ALDH1A2: variants seen among roughly 807,000 people sequenced by gnomAD.
ALDH1A2 encodes aldehyde dehydrogenase 1 family member A2.
In ALDH1A2, 27 loss-of-function variants were observed where a neutral mutation model predicts 60.3. That is an observed-to-expected ratio of 0.45 (90% CI 0.33 to 0.62). The LOEUF (loss-of-function observed/expected upper bound fraction) is 0.62. Ranked by LOEUF, ALDH1A2 falls within the 20% of genes least tolerant of loss-of-function variation. ALDH1A2 has a pLI of 0.02. For missense variants in ALDH1A2, 581 were observed against 643.8 expected (o/e 0.90, Z 1.06); for synonymous variants, 289 against 232.4 (o/e 1.24, Z -2.21).
intron 1 of ALDH1A2, among the ~76,000 whole-genome samples, chr15:58,043,991 A>G (rs1201542104): frequency 6.6e-6 from 1 of 151,982 alleles, no homozygotes; most frequent in Non-Finnish European, 1.5e-5. Context: ...CCAAGGCCAC[A>G]TACCCCGGAT....
chr15:58,008,619 A>T (rs1227905759), intron 4 of ALDH1A2, among the ~76,000 whole-genome samples: 1 of 152,140 alleles, frequency 6.6e-6, no homozygotes, highest in African/African-American at 2.4e-5. Context: ...CTGTTTCACA[A>T]TCTTCCTCAG....
Position 57,961,130 on chromosome 15 carries a change from A to T in ALDH1A2, c.1409+7T>A. The T allele has an allele frequency of 1.2e-6, 2 of 1,613,954 alleles. No homozygotes were observed. The highest frequency in any genetic ancestry group is 1.1e-5 in the South Asian group (1 of 91,072). On this transcript the variant is annotated splice_region_variant and intron_variant, in intron 11 of 12. Coordinates refer to ENST00000249750, the MANE Select transcript of ALDH1A2 (RefSeq NM_003888.4). ...GGAATTTGTTACAAGACTGACTCTGATCTTACCAAACAGTCCCAGCTTGCA... is the reference window on the plus strand; with the variant it reads ...GGAATTTGTTACAAGACTGACTCTGTTCTTACCAAACAGTCCCAGCTTGCA...
chr15:57,980,257 CT>C, intron 7 of ALDH1A2: 1 of 349,816 alleles, frequency 2.9e-6, no homozygotes, highest in Non-Finnish European at 5.8e-6. Flanking sequence ...TAGTCTTGAC[CT>C]TCCCTGCTAG....
At chr15:57,980,581 G>A (rs1894462083) in intron 7 of ALDH1A2, 3 of 273,950 alleles carry the variant, frequency 1.1e-5, no homozygotes, top group Non-Finnish European at 1.5e-5. Flanking sequence ...ATTTGGGCAG[G>A]AGCCAGTTCT....
chr15:57,973,797 C>G (rs1198057744), intron 7 of ALDH1A2, among the ~76,000 whole-genome samples: 4 of 152,192 alleles, frequency 2.6e-5, no homozygotes, highest in Admixed American at 2.0e-4. Flanking sequence ...ATGTAAGCCT[C>G]TCTACAGAGA....
rs148065328 is a variant in ALDH1A2, at chr15:58,016,610, T to C, written c.118-2329A>G. Among the ~76,000 whole-genome samples, 49 of 152,348 alleles carry C rather than the reference T, an allele frequency of 3.2e-4. No homozygotes were observed. In the East Asian group the frequency reaches 9.2e-3, roughly 29 times the overall value. ...CTTAGTCTATTGATCATTTTATAAATCTAAGATGCATTATAGGATCTAAGA... is the reference window on the plus strand; with the variant it reads ...CTTAGTCTATTGATCATTTTATAAACCTAAGATGCATTATAGGATCTAAGA... On this transcript the variant is annotated intron_variant, in intron 1 of 12. Coordinates refer to ENST00000249750, the MANE Select transcript of ALDH1A2 (RefSeq NM_003888.4).
At chr15:58,053,970 G>A (rs1473221000) in intron 1 of ALDH1A2, among the ~76,000 whole-genome samples, 2 of 152,168 alleles carry the variant, frequency 1.3e-5, no homozygotes, top group Non-Finnish European at 2.9e-5. Context: ...ATCTGGAATA[G>A]TATATGTCGC....
At chr15:57,997,259 T>C (rs1442155047) in intron 4 of ALDH1A2, among the ~76,000 whole-genome samples, 1 of 152,076 alleles carries the variant, frequency 6.6e-6, no homozygotes, top group Non-Finnish European at 1.5e-5. Flanking sequence ...GATATCATTC[T>C]TTACAAGACT....
At chr15:58,046,781 C>G (rs1028211385) in intron 1 of ALDH1A2, among the ~76,000 whole-genome samples, 3 of 152,006 alleles carry the variant, frequency 2.0e-5, no homozygotes, top group Non-Finnish European at 4.4e-5. Flanking sequence ...TGGTTTCCCC[C>G]ACATCTTAAC....
intron 1 of ALDH1A2, among the ~76,000 whole-genome samples, chr15:58,053,198 C>T (rs1195753963): frequency 2.0e-5 from 3 of 151,980 alleles, no homozygotes; most frequent in African/African-American, 7.2e-5. Flanking sequence ...TAATAAAGTT[C>T]GAAATAAACC....
chr15:58,049,105 C>T (rs1313123097), intron 1 of ALDH1A2, among the ~76,000 whole-genome samples: 1 of 152,090 alleles, frequency 6.6e-6, no homozygotes, highest in African/African-American at 2.4e-5. Flanking sequence ...TTTCACTCAG[C>T]GTATTTTACA....
At chr15:58,006,315 T>TC (rs1410660835) in intron 4 of ALDH1A2, among the ~76,000 whole-genome samples, 1 of 152,004 alleles carries the variant, frequency 6.6e-6, no homozygotes, top group Non-Finnish European at 1.5e-5. Flanking sequence ...GGCCTCCAGC[T>TC]CCATTCAAGA....
In ALDH1A2 at chr15:58,065,689, A is replaced by G; in HGVS notation, c.-39T>C. 7.0e-7 allele frequency: 1 copy of G among 1,435,406 alleles called. No individual in the cohort carries two copies. The highest frequency in any genetic ancestry group is 1.3e-5 in the South Asian group (1 of 75,062). The allele number at this position is 1,435,406 out of a possible 1,614,324, so 88.9% of individuals were successfully genotyped here. A position where few individuals can be genotyped will look rare whatever the true frequency, so the allele number is the denominator to read the frequency against. ...GTGTCCCTAGCCCGCGGCGTGGGGC[A>G]GTGCGGGCTGTGCGCGCGGTCCGCG... On this transcript the variant is annotated 5_prime_UTR_variant, in exon 1 of 13. Transcript: ENST00000249750.
At chr15:58,001,138 A>C (rs1298464912) in intron 4 of ALDH1A2, among the ~76,000 whole-genome samples, 6 of 151,832 alleles carry the variant, frequency 4.0e-5, no homozygotes, top group Admixed American at 2.6e-4. Context: ...CTCTGAAAAA[A>C]ATAGAGCAAC....
At chr15:58,047,342 A>T (rs1238749923) in intron 1 of ALDH1A2, among the ~76,000 whole-genome samples, 2 of 152,010 alleles carry the variant, frequency 1.3e-5, no homozygotes, top group Admixed American at 1.3e-4. Flanking sequence ...AACTGTTTTC[A>T]TTCCTCATAA....
chr15:57,977,096 GT>G (rs35805904), intron 7 of ALDH1A2, among the ~76,000 whole-genome samples: 61,872 of 145,528 alleles, frequency 0.43, 13,613 homozygotes, highest in Non-Finnish European at 0.52. Flanking sequence ...ACTTTTCGAT[GT>G]TTTTTTTTTT....
At chr15:57,973,170 A>C (rs929518578) in intron 7 of ALDH1A2, among the ~76,000 whole-genome samples, 1 of 152,232 alleles carries the variant, frequency 6.6e-6, no homozygotes, top group African/African-American at 2.4e-5. Context: ...AGAAAACACT[A>C]TACCAAGCAA....
In ALDH1A2 at chr15:58,060,245, C is replaced by G. The variant is rs370536088; in HGVS notation, c.117+5289G>C. The stretch of plus-strand genomic sequence containing the variant: ...CAGTTGATCACATAATTCTGATCTT[C>G]CTTAAAATTGGTTTCCATTAATTTA... On this transcript the variant is annotated intron_variant, in intron 1 of 12. Coordinates refer to ENST00000249750, the MANE Select transcript of ALDH1A2 (RefSeq NM_003888.4). Among the ~76,000 whole-genome samples the G allele has an allele frequency of 2.0e-4, 30 of 152,164 alleles. 1 individual carries two copies. The East Asian group carries it at 3.1e-3, about 16-fold the overall frequency.
intron 7 of ALDH1A2, among the ~76,000 whole-genome samples, chr15:57,976,763 C>G (rs754297672): frequency 3.0e-4 from 46 of 152,164 alleles, no homozygotes; most frequent in Non-Finnish European, 5.3e-4. Context: ...GACTTATAAT[C>G]CTTTGGGTAT....
Sources: gnomAD v4.1 joint callset for allele counts (sites outside exome capture counted in the v4.1 genomes callset) on GRCh38, gnomAD v4.1.1 for gene constraint, MANE v1.5 for transcripts, NCBI Gene and HGNC (gene_info 2026-07-23, HGNC 2026-07-21) for gene names.